Variants in CNTNAP4 observed in about 807,000 individuals in gnomAD.
CNTNAP4 encodes the protein contactin associated protein family member 4.
In CNTNAP4, 98 loss-of-function variants were observed where a neutral mutation model predicts 148.4. The observed-to-expected ratio is 0.66, with a 90% CI of 0.56 to 0.78. The LOEUF is 0.78. Ranked by LOEUF, CNTNAP4 falls within the 30% of genes least tolerant of loss-of-function variation. CNTNAP4 has a pLI of 0.00. For missense variants in CNTNAP4, 1,935 were observed against 1,565.6 expected (o/e 1.24, Z -3.98); for synonymous variants, 730 against 565.1 (o/e 1.29, Z -4.14).
rs541312277 is a variant in CNTNAP4 at position 76,544,805 on chromosome 16, C to A, written c.3442+4015C>A. On this transcript the variant is annotated intron_variant, in intron 21 of 23. Transcript: ENST00000611870. Reference sequence around the variant, plus strand: ...ATTAGATACGGTGGTCCATAATAATCATTTCTCTTTTTTGGGGCTGCAGAG... The same window carrying A: ...ATTAGATACGGTGGTCCATAATAATAATTTCTCTTTTTTGGGGCTGCAGAG... 2.0e-5 allele frequency among the ~76,000 whole-genome samples: 3 copies of A among 152,204 alleles called. No homozygotes were observed. The South Asian group carries it at 6.2e-4, about 32-fold the overall frequency.
intron 3 of CNTNAP4, among the ~76,000 whole-genome samples, chr16:76,408,698 G>A (rs1195564192): frequency 1.3e-5 from 2 of 151,990 alleles, no homozygotes; most frequent in Non-Finnish European, 2.9e-5. Context: ...CAAATAATCA[G>A]TTGTTTTTCA....
At chr16:76,512,991 C>G (rs2083087379) in intron 15 of CNTNAP4, among the ~76,000 whole-genome samples, 1 of 151,974 alleles carries the variant, frequency 6.6e-6, no homozygotes, top group African/African-American at 2.4e-5. Context: ...ATAAAAGCCT[C>G]AGATAGATTC....
chr16:76,421,174 A>T (rs2079175482), intron 3 of CNTNAP4, among the ~76,000 whole-genome samples: 1 of 152,182 alleles, frequency 6.6e-6, no homozygotes, highest in East Asian at 1.9e-4. Context: ...GTATCTCCAT[A>T]GATTCTAATA....
chr16:76,335,817 TA>T (rs1963974185), intron 2 of CNTNAP4, among the ~76,000 whole-genome samples: 1 of 151,834 alleles, frequency 6.6e-6, no homozygotes, highest in Non-Finnish European at 1.5e-5. Context: ...GCACAGGAGG[TA>T]GAGGCAGTGC....
chr16:76,347,313 C>G (rs181577774), intron 2 of CNTNAP4, among the ~76,000 whole-genome samples: 14 of 152,236 alleles, frequency 9.2e-5, no homozygotes, highest in Admixed American at 8.5e-4. Flanking sequence ...ACCCACGTGA[C>G]TACAATTTTA....
At chr16:76,425,971 C>T (rs2079381416) in intron 3 of CNTNAP4, among the ~76,000 whole-genome samples, 1 of 152,002 alleles carries the variant, frequency 6.6e-6, no homozygotes, top group Non-Finnish European at 1.5e-5. Context: ...TAATAAAGAC[C>T]AGGAAGAGGC....
At chr16:76,277,881 A>T in intron 1 of CNTNAP4, 134 bp downstream of exon 1, 3 of 658,180 alleles carry the variant, frequency 4.6e-6, no homozygotes, top group Non-Finnish European at 8.1e-6. Flanking sequence ...ATCACTTAAA[A>T]ATCTTGCCAA....
intron 2 of CNTNAP4, among the ~76,000 whole-genome samples, chr16:76,331,980 G>C (rs1385690165): frequency 6.6e-6 from 1 of 152,168 alleles, no homozygotes; most frequent in East Asian, 1.9e-4. Context: ...ACTAGATTTA[G>C]AATGTTTGGC....
At chr16:76,468,574 A>C (rs1011596892) in intron 10 of CNTNAP4, among the ~76,000 whole-genome samples, 1 of 152,088 alleles carries the variant, frequency 6.6e-6, no homozygotes, top group African/African-American at 2.4e-5. Context: ...TGCACCCTCC[A>C]CCTCCTTAGC....
At chr16:76,433,285 C>T (rs1345345476) in intron 4 of CNTNAP4, among the ~76,000 whole-genome samples, 1 of 152,090 alleles carries the variant, frequency 6.6e-6, no homozygotes, top group Admixed American at 6.6e-5. Context: ...AAAGGTTAGC[C>T]TACCAGGAGA....
At chr16:76,483,903 A>G (rs534815368) in intron 12 of CNTNAP4, among the ~76,000 whole-genome samples, 1 of 152,310 alleles carries the variant, frequency 6.6e-6, no homozygotes, top group Admixed American at 6.5e-5. Flanking sequence ...TCTGTGTGTG[A>G]TGAATATCGA....
At chr16:76,403,062 G>T (rs1353746407) in intron 3 of CNTNAP4, among the ~76,000 whole-genome samples, 1 of 151,782 alleles carries the variant, frequency 6.6e-6, no homozygotes, top group East Asian at 1.9e-4. Context: ...CGCGGGAAAA[G>T]GACATGAACA....
At chr16:76,476,363 G>A (rs950543830) in intron 11 of CNTNAP4, among the ~76,000 whole-genome samples, 7 of 152,126 alleles carry the variant, frequency 4.6e-5, no homozygotes, top group African/African-American at 1.7e-4. Context: ...TCTAGAAGGC[G>A]CAGTACAAGT....
intron 17 of CNTNAP4, 126 bp from the exon 18 acceptor site, chr16:76,535,419 T>C: frequency 2.1e-6 from 2 of 973,444 alleles, no homozygotes; most frequent in Non-Finnish European, 3.0e-6. Flanking sequence ...TGAATTGTGT[T>C]TCCAAAATTA....
chr16:76,527,732 A>G (rs1416251254), intron 17 of CNTNAP4, among the ~76,000 whole-genome samples: 2 of 152,212 alleles, frequency 1.3e-5, no homozygotes, highest in African/African-American at 4.8e-5. Flanking sequence ...TGTTAAATAT[A>G]GTAGATTTGT....
At chr16:76,460,914 A>G (rs1409285678) in intron 8 of CNTNAP4, among the ~76,000 whole-genome samples, 1 of 151,024 alleles carries the variant, frequency 6.6e-6, no homozygotes, top group African/African-American at 2.4e-5. Flanking sequence ...GGGGAAATAC[A>G]GAGTTAGGTT....
intron 13 of CNTNAP4, among the ~76,000 whole-genome samples, chr16:76,490,872 C>T (rs1051029100): frequency 4.6e-5 from 7 of 152,088 alleles, no homozygotes; most frequent in Non-Finnish European, 8.8e-5. Context: ...AATTCTAAGA[C>T]GTCTGTACAA....
intron 2 of CNTNAP4, among the ~76,000 whole-genome samples, chr16:76,320,395 T>C (rs898874061): frequency 3.3e-5 from 5 of 152,134 alleles, no homozygotes; most frequent in Admixed American, 6.5e-5. Context: ...CAATCAGACT[T>C]GATGGTTTGG....
intron 17 of CNTNAP4, among the ~76,000 whole-genome samples, chr16:76,532,095 G>C (rs186871232): frequency 6.6e-5 from 10 of 152,196 alleles, no homozygotes; most frequent in Admixed American, 4.6e-4. Context: ...TATTACTAGA[G>C]CTTTTTGTCA....
Sources: allele counts gnomAD v4.1 joint callset (sites outside exome capture counted in the v4.1 genomes callset), GRCh38; gene constraint gnomAD v4.1.1; transcripts MANE v1.5; gene names NCBI Gene and HGNC (gene_info 2026-07-23, HGNC 2026-07-21).